Variants in NTNG1 observed in about 807,000 individuals in gnomAD.
NTNG1 encodes netrin-G1.
In NTNG1, 16 loss-of-function variants were observed where a neutral mutation model predicts 54.0. That is an observed-to-expected ratio of 0.30 (90% CI 0.20 to 0.45). The LOEUF (loss-of-function observed/expected upper bound fraction) is 0.45, where lower values mean the gene tolerates loss of function less well. Among genes scored for constraint, NTNG1 ranks in the 20% least tolerant of loss-of-function variants. NTNG1 has a pLI of 1.00. For synonymous variants in NTNG1, 255 were observed against 263.1 expected, an observed-to-expected ratio of 0.97 and a Z score of 0.30; for missense variants, 530 against 678.7, an observed-to-expected ratio of 0.78 and a Z score of 2.43.
intron 2 of NTNG1, among the ~76,000 whole-genome samples, chr1:107,242,989 A>T (rs1661946514): frequency 6.6e-6 from 1 of 152,250 alleles, no homozygotes; most frequent in African/African-American, 2.4e-5. Flanking sequence ...GCTTTTGATT[A>T]CTTAGAGGTA....
intron 4 of NTNG1, chr1:107,395,546 G>T (rs930222705): frequency 2.2e-5 from 16 of 722,790 alleles, no homozygotes; most frequent in South Asian, 1.9e-4. Flanking sequence ...CAAATGTGTT[G>T]GGAAATGATA....
chr1:107,255,322 A>T (rs561216633), intron 2 of NTNG1, among the ~76,000 whole-genome samples: 3 of 152,296 alleles, frequency 2.0e-5, no homozygotes, highest in African/African-American at 7.2e-5. Context: ...GTTTTCCTCC[A>T]TAAAGACACA....
At position 107,302,226 on chromosome 1, in the gene NTNG1, T is replaced by C. The variant is rs564338552; in HGVS notation, c.247-22056T>C. ...ACAAAACTTGCTAGCATAGCTTCAC[T>C]ACAGTTTCTAGGATGAATCCTGGCT... On this transcript the variant is annotated intron_variant, in intron 2 of 7. Coordinates refer to ENST00000370068, the MANE Select transcript of NTNG1 (RefSeq NM_001113226.3). Among the ~76,000 whole-genome samples, 9 of 152,286 alleles carry C rather than the reference T, an allele frequency of 5.9e-5. No individual in the cohort carries two copies. The South Asian group carries it at 1.2e-3, about 21-fold the overall frequency.
intron 2 of NTNG1, among the ~76,000 whole-genome samples, chr1:107,206,871 G>A (rs148949604): frequency 1.3e-4 from 20 of 152,166 alleles, no homozygotes; most frequent in East Asian, 5.8e-4. Flanking sequence ...GAACGAGCCC[G>A]CCTTTAATAT....
chr1:107,199,043 A>G (rs1207197565), intron 2 of NTNG1, among the ~76,000 whole-genome samples: 2 of 151,880 alleles, frequency 1.3e-5, no homozygotes, highest in South Asian at 2.1e-4. Flanking sequence ...CTAGTCAACA[A>G]TGAGTTACAG....
intron 2 of NTNG1, among the ~76,000 whole-genome samples, chr1:107,231,295 GA>G (rs1311375740): frequency 1.3e-5 from 2 of 152,114 alleles, no homozygotes; most frequent in Non-Finnish European, 2.9e-5. Flanking sequence ...CTCAGTACTG[GA>G]TCGCTTCTCA....
At chr1:107,216,112 T>C (rs1344555089) in intron 2 of NTNG1, among the ~76,000 whole-genome samples, 1 of 152,206 alleles carries the variant, frequency 6.6e-6, no homozygotes, top group Non-Finnish European at 1.5e-5. Context: ...TTTGACTTCC[T>C]CTTTACCCAT....
At chr1:107,367,064 T>TTG (rs1670634802) in intron 3 of NTNG1, among the ~76,000 whole-genome samples, 2 of 115,190 alleles carry the variant, frequency 1.7e-5, no homozygotes, top group South Asian at 5.5e-4. Context: ...TTTTATCTGT[T>TTG]CGTGTGTGTG....
chr1:107,232,586 A>G (rs898284705), intron 2 of NTNG1, among the ~76,000 whole-genome samples: 5 of 152,314 alleles, frequency 3.3e-5, no homozygotes, highest in African/African-American at 9.6e-5. Flanking sequence ...TTGGGACCTT[A>G]AACGGTATAT....
intron 7 of NTNG1, among the ~76,000 whole-genome samples, chr1:107,459,168 C>T (rs1369739328): frequency 2.0e-5 from 3 of 152,006 alleles, no homozygotes; most frequent in African/African-American, 4.8e-5. Context: ...ATTGCTTTTC[C>T]TCTTTTGTAA....
intron 3 of NTNG1, among the ~76,000 whole-genome samples, chr1:107,340,945 A>G (rs142164976): frequency 8.5e-5 from 13 of 152,082 alleles, no homozygotes; most frequent in African/African-American, 2.9e-4. Context: ...TAAACTAAGT[A>G]GTGGTTATTA....
chr1:107,178,235 A>G (rs1449929310), intron 2 of NTNG1, among the ~76,000 whole-genome samples: 1 of 152,220 alleles, frequency 6.6e-6, no homozygotes, highest in Non-Finnish European at 1.5e-5. Flanking sequence ...GCATAGGTCC[A>G]AAGTCATGAT....
At chr1:107,143,435 T>A (rs1344591680) in intron 1 of NTNG1, 2 of 152,242 alleles carry the variant, frequency 1.3e-5, no homozygotes, top group South Asian at 2.1e-4. Flanking sequence ...GTTTAAAAAG[T>A]TAAACCATTA....
Position 107,430,815 on chromosome 1 carries a change from G to A in NTNG1, c.1153G>A (p.Val385Met). 1 of 1,613,136 alleles carries A rather than the reference G, an allele frequency of 6.2e-7. No individual in the cohort carries two copies. The highest frequency in any genetic ancestry group is 8.5e-7 in the Non-Finnish European group (1 of 1,179,546). Residue 385 changes from valine to methionine, a missense_variant, in exon 6 of 8, where the codon GTG (valine) becomes ATG (methionine). Val to Met is a conservative substitution (Grantham distance 21). This residue lies in a region of NTNG1 where 212 missense variants were observed against 213.6 expected (regional missense o/e 0.99). Transcript: ENST00000370068. ...CGATCTGCTAAATACAGTCATTTGC[G>A]TGAGCTGTAAACACAACACTAGAGG... ...YIDLLNTVICVSCKHNTRGQH... is the reference protein window; with the variant it reads ...YIDLLNTVICMSCKHNTRGQH...
At chr1:107,378,134 T>C (rs775973041) in intron 3 of NTNG1, among the ~76,000 whole-genome samples, 5 of 152,216 alleles carry the variant, frequency 3.3e-5, no homozygotes, top group South Asian at 2.1e-4. Flanking sequence ...GTGCTTGCAA[T>C]GTAGAAACCG....
chr1:107,244,839 T>C (rs1033464112), intron 2 of NTNG1, among the ~76,000 whole-genome samples: 9 of 152,204 alleles, frequency 5.9e-5, no homozygotes, highest in Admixed American at 1.3e-4. Context: ...CATCTTGCAC[T>C]GGAGAATTTA....
chr1:107,291,350 C>G (rs1665589867), intron 2 of NTNG1, among the ~76,000 whole-genome samples: 1 of 151,990 alleles, frequency 6.6e-6, no homozygotes, highest in Non-Finnish European at 1.5e-5. Context: ...ATCAGTAAGT[C>G]TTTTGGTCAA....
chr1:107,258,739 G>C, intron 2 of NTNG1, among the ~76,000 whole-genome samples: 1 of 152,214 alleles, frequency 6.6e-6, no homozygotes, highest in East Asian at 1.9e-4. Flanking sequence ...CCACTTCACT[G>C]AATGCCTTTG....
At chr1:107,311,310 G>C (rs1217784704) in intron 2 of NTNG1, among the ~76,000 whole-genome samples, 1 of 152,092 alleles carries the variant, frequency 6.6e-6, no homozygotes, top group Non-Finnish European at 1.5e-5. Context: ...GGATAAATAA[G>C]GCAAGATAGG....
Sources: allele counts gnomAD v4.1 joint callset (sites outside exome capture counted in the v4.1 genomes callset), GRCh38; gene constraint gnomAD v4.1.1; regional missense constraint gnomAD v4.1.1; transcripts MANE v1.5; gene names NCBI Gene and HGNC (gene_info 2026-07-23, HGNC 2026-07-21).